Variants in SGCD observed in about 807,000 individuals in gnomAD.
SGCD encodes sarcoglycan delta, also known as delta-sarcoglycan.
In SGCD, 18 loss-of-function variants were observed where a neutral mutation model predicts 36.6. That is an observed-to-expected ratio of 0.49 (90% CI 0.34 to 0.73). The LOEUF (loss-of-function observed/expected upper bound fraction) is 0.73. SGCD is among the 30% of genes least tolerant of loss of function. The pLI, the probability that SGCD is intolerant of heterozygous loss-of-function variation, is 0.01. For missense variants in SGCD, 387 were observed against 346.7 expected (o/e 1.12, Z -0.92); for synonymous variants, 133 against 130.6 (o/e 1.02, Z -0.12).
intron 1 of SGCD, among the ~76,000 whole-genome samples, chr5:156,007,687 C>G (rs549386546): frequency 6.6e-6 from 1 of 152,208 alleles, no homozygotes; most frequent in East Asian, 1.9e-4. Flanking sequence ...AACACTAAGC[C>G]AGTAGGTGGG....
At chr5:156,185,125 G>C (rs563374823) in intron 3 of SGCD, among the ~76,000 whole-genome samples, 1 of 151,596 alleles carries the variant, frequency 6.6e-6, no homozygotes, top group Non-Finnish European at 1.5e-5. Context: ...TTGTGTTTTG[G>C]TTCTAAATGT....
chr5:156,274,266 A>G (rs62383777), intron 3 of SGCD, among the ~76,000 whole-genome samples: 8,785 of 152,136 alleles, frequency 0.058, 298 homozygotes, highest in Non-Finnish European at 0.075. Flanking sequence ...TTCTCAACCA[A>G]ATATCAAAAA....
Position 156,502,966 on chromosome 5 carries a change from C to T in SGCD, c.193-5635C>T, listed in dbSNP as rs117527837. On this transcript the variant is annotated intron_variant, in intron 3 of 8. Transcript: ENST00000337851. Reference sequence around the variant, plus strand: ...TCCCACCAAATACCATTAGGCAGACCGAGAGACAGGGAAGTAGGCTAGAAA... The same window carrying T: ...TCCCACCAAATACCATTAGGCAGACTGAGAGACAGGGAAGTAGGCTAGAAA... 5.9e-5 allele frequency among the ~76,000 whole-genome samples: 9 copies of T among 151,992 alleles called. No homozygotes were observed. In the East Asian group the frequency reaches 1.4e-3, roughly 23 times the overall value.
intron 7 of SGCD, among the ~76,000 whole-genome samples, chr5:156,701,491 C>A (rs562375718): frequency 1.7e-4 from 26 of 152,172 alleles, no homozygotes; most frequent in African/African-American, 6.0e-4. Flanking sequence ...ACTGTTTATG[C>A]TTTTTGTGTT....
chr5:156,072,412 A>G (rs977445623), intron 1 of SGCD, among the ~76,000 whole-genome samples: 58 of 152,140 alleles, frequency 3.8e-4, no homozygotes, highest in African/African-American at 1.3e-3. Flanking sequence ...CTGGATATGA[A>G]ATTCTGGGTT....
At chr5:156,686,110 T>G (rs560020986) in intron 7 of SGCD, among the ~76,000 whole-genome samples, 1 of 152,230 alleles carries the variant, frequency 6.6e-6, no homozygotes, top group African/African-American at 2.4e-5. Flanking sequence ...TATTGAACAA[T>G]GTGTAAAACA....
At chr5:155,844,421 T>TTGTGTGTGTGTGTGTGTGTGTGTGTG in the SGCD span, among the ~76,000 whole-genome samples, 7 of 144,572 alleles carry the variant, frequency 4.8e-5, no homozygotes, top group East Asian at 2.0e-4. Context: ...TGCTAAGGCT[T>TTGTGTGTGTGTGTGTGTGTGTGTGTG]TGTGTGTGTG....
chr5:156,583,268 C>A (rs1443418128), intron 4 of SGCD, among the ~76,000 whole-genome samples: 1 of 152,174 alleles, frequency 6.6e-6, no homozygotes, highest in Non-Finnish European at 1.5e-5. Context: ...CCAAACCTCT[C>A]ACCTACCAAA....
intron 3 of SGCD, among the ~76,000 whole-genome samples, chr5:156,433,839 C>A (rs1175731126): frequency 6.6e-6 from 1 of 152,162 alleles, no homozygotes; most frequent in Non-Finnish European, 1.5e-5. Context: ...GCCCCTTTCC[C>A]AAAGTGTCTC....
intron 1 of SGCD, among the ~76,000 whole-genome samples, chr5:156,093,752 A>G (rs760988011): frequency 5.9e-5 from 9 of 152,170 alleles, no homozygotes; most frequent in Non-Finnish European, 2.9e-5. Flanking sequence ...GTCTCCTTTC[A>G]TCTGCAGTTA....
intron 3 of SGCD, among the ~76,000 whole-genome samples, chr5:156,229,277 CATATATATAT>C (rs570200528): frequency 1.8e-5 from 1 of 56,502 alleles, no homozygotes; most frequent in Non-Finnish European, 3.3e-5. Flanking sequence ...TATATACATA[CATATATATAT>C]ATATATATAT....
chr5:155,907,263 C>T (rs1452623840), intron 1 of SGCD, among the ~76,000 whole-genome samples: 1 of 152,072 alleles, frequency 6.6e-6, no homozygotes, highest in Non-Finnish European at 1.5e-5. Context: ...TGACAACGCA[C>T]TTGCTTACCT....
intron 4 of SGCD, among the ~76,000 whole-genome samples, chr5:156,520,490 T>TC (rs1404394969): frequency 4.0e-5 from 6 of 151,858 alleles, no homozygotes; most frequent in African/African-American, 1.2e-4. Flanking sequence ...ACCTTTGATG[T>TC]TACTCACAGA....
intron 4 of SGCD, among the ~76,000 whole-genome samples, chr5:156,581,533 T>A (rs986295419): frequency 1.3e-5 from 2 of 152,032 alleles, no homozygotes; most frequent in African/African-American, 4.8e-5. Context: ...TGAGTTGGAG[T>A]CTACAGAGGC....
the SGCD span, among the ~76,000 whole-genome samples, chr5:155,853,813 G>A: frequency 6.6e-6 from 1 of 152,080 alleles, no homozygotes; most frequent in South Asian, 2.1e-4. Context: ...GTTTCCCCAG[G>A]TTCTTCTCTG....
chr5:156,524,117 T>TGTAAAACC (rs1183793435), intron 4 of SGCD, among the ~76,000 whole-genome samples: 20 of 56,672 alleles, frequency 3.5e-4, no homozygotes, highest in Non-Finnish European at 6.0e-4. Flanking sequence ...TATATATATA[T>TGTAAAACC]ATATATATAT....
chr5:156,544,746 G>T (rs953690327), intron 4 of SGCD, among the ~76,000 whole-genome samples: 1 of 152,036 alleles, frequency 6.6e-6, no homozygotes. Context: ...ACACTCAAAG[G>T]TATGTACACA....
At chr5:155,775,732 C>A in the SGCD span, among the ~76,000 whole-genome samples, 2 of 150,524 alleles carry the variant, frequency 1.3e-5, no homozygotes, top group East Asian at 3.9e-4. Context: ...TGCAGGCATT[C>A]ACTAAACTTC....
At chr5:156,005,684 T>A (rs1210192698) in intron 1 of SGCD, among the ~76,000 whole-genome samples, 1 of 152,226 alleles carries the variant, frequency 6.6e-6, no homozygotes, top group Non-Finnish European at 1.5e-5. Context: ...TCTCCTGACC[T>A]CATGATCCGC....
Sources: gnomAD v4.1 joint callset for allele counts (sites outside exome capture counted in the v4.1 genomes callset) on GRCh38, gnomAD v4.1.1 for gene constraint, MANE v1.5 for transcripts, NCBI Gene and HGNC (gene_info 2026-07-23, HGNC 2026-07-21) for gene names.